MRC1: variants seen among roughly 807,000 people sequenced by gnomAD.
The protein encoded by MRC1 is mannose receptor C-type 1, also known as macrophage mannose receptor 1.
MRC1 carries 62 observed loss-of-function variants against 102.9 expected under a neutral mutation model. The ratio of observed to expected loss-of-function variants is 0.60; its 90% CI spans 0.49 to 0.74. The LOEUF is 0.74. Ranked by LOEUF, MRC1 falls within the 30% of genes least tolerant of loss-of-function variation. The pLI, the probability that MRC1 is intolerant of heterozygous loss-of-function variation, is 0.00. For missense variants in MRC1, 1,237 were observed against 862.8 expected (o/e 1.43, Z -5.43); for synonymous variants, 457 against 298.4 (o/e 1.53, Z -5.48).
chr10:17,836,869 A>C (rs929108357), intron 4 of MRC1, among the ~76,000 whole-genome samples: 4 of 152,138 alleles, frequency 2.6e-5, no homozygotes, highest in Non-Finnish European at 5.9e-5. Context: ...TTTAAAAAAA[A>C]AGGAAAGAAA....
At chr10:17,858,743 C>T (rs1433257531) in intron 9 of MRC1, among the ~76,000 whole-genome samples, 1 of 152,198 alleles carries the variant, frequency 6.6e-6, no homozygotes, top group Non-Finnish European at 1.5e-5. Flanking sequence ...GCCTTGGCCT[C>T]CCAAAGTGCT....
At chr10:17,865,213 C>T (rs1833247699) in intron 11 of MRC1, among the ~76,000 whole-genome samples, 3 of 152,276 alleles carry the variant, frequency 2.0e-5, no homozygotes, top group East Asian at 1.9e-4. Context: ...TCCTAATCTT[C>T]AGTGTTCTGT....
At chr10:17,827,859 G>A (rs1327505783) in intron 3 of MRC1, 144 bp downstream of exon 3, 16 of 662,572 alleles carry the variant, frequency 2.4e-5, no homozygotes, top group Middle Eastern at 4.2e-4. Flanking sequence ...CTTTACAGAC[G>A]TTATTATTTC....
intron 22 of MRC1, among the ~76,000 whole-genome samples, chr10:17,887,539 T>C (rs200928899): frequency 0.32 from 49,350 of 152,182 alleles, 9,230 homozygotes; most frequent in African/African-American, 0.51. Context: ...CGAGATAGCA[T>C]TAGCTTAGAT....
At chr10:17,816,127 GC>G (rs1554837875) in intron 1 of MRC1, among the ~76,000 whole-genome samples, 1 of 152,158 alleles carries the variant, frequency 6.6e-6, no homozygotes, top group African/African-American at 2.4e-5. Flanking sequence ...CCCTCCATCA[GC>G]CCCCAGCACC....
At chr10:17,880,462 T>C in intron 19 of MRC1, 63 bp from the exon 20 acceptor site, 2 of 769,986 alleles carry the variant, frequency 2.6e-6, no homozygotes, top group Non-Finnish European at 2.4e-6. Context: ...AAATATATTT[T>C]TTAAAATAAT....
intron 2 of MRC1, among the ~76,000 whole-genome samples, chr10:17,824,921 C>G (rs1838450337): frequency 6.6e-6 from 1 of 152,042 alleles, no homozygotes; most frequent in Admixed American, 6.5e-5. Flanking sequence ...TTAAGAATCA[C>G]TTGGAAAGTT....
chr10:17,833,574 G>A, intron 3 of MRC1, 101 bp from the exon 4 acceptor site: 2 of 728,596 alleles, frequency 2.7e-6, no homozygotes, highest in Non-Finnish European at 5.0e-6. Context: ...AAGAAAGAAA[G>A]TGCTTCAGGC....
chr10:17,864,497 A>G (rs2437274), intron 11 of MRC1, among the ~76,000 whole-genome samples: 94,942 of 151,864 alleles, frequency 0.63, 31,749 homozygotes, highest in East Asian at 0.83. Flanking sequence ...TTTTGTCATC[A>G]TAAAAACCTT....
intron 22 of MRC1, among the ~76,000 whole-genome samples, chr10:17,891,455 T>G (rs1833675073): frequency 1.3e-5 from 2 of 152,106 alleles, no homozygotes; most frequent in East Asian, 3.9e-4. Context: ...CGTGAGCCAT[T>G]GCGCCCGGTG....
chr10:17,896,020 G>A (rs1447060652), intron 23 of MRC1, among the ~76,000 whole-genome samples: 1 of 152,216 alleles, frequency 6.6e-6, no homozygotes, highest in African/African-American at 2.4e-5. Context: ...GTGCCTTATG[G>A]AGAGTTTCAG....
intron 22 of MRC1, among the ~76,000 whole-genome samples, chr10:17,889,941 C>T (rs1833650562): frequency 6.6e-6 from 1 of 152,054 alleles, no homozygotes; most frequent in South Asian, 2.1e-4. Flanking sequence ...TCTATATAGA[C>T]CTGAGTTTCT....
intron 20 of MRC1, 146 bp downstream of exon 20, chr10:17,880,816 A>T (rs541943417): frequency 5.3e-6 from 4 of 748,034 alleles, no homozygotes. Context: ...CAAACTCTTT[A>T]TGGAAATTGA....
intron 25 of MRC1, 122 bp downstream of exon 25, chr10:17,901,075 C>T (rs1421438810): frequency 2.9e-6 from 2 of 682,984 alleles, no homozygotes; most frequent in African/African-American, 1.8e-5. Flanking sequence ...ATAGAACATA[C>T]TCCCTCACCT....
intron 17 of MRC1, among the ~76,000 whole-genome samples, chr10:17,877,068 A>G (rs981178990): frequency 6.7e-6 from 1 of 149,478 alleles, no homozygotes. Context: ...TTGCACAACT[A>G]TATATATATA....
chr10:17,851,294 T>C (rs1230865748), intron 7 of MRC1, among the ~76,000 whole-genome samples: 3 of 152,140 alleles, frequency 2.0e-5, no homozygotes, highest in Non-Finnish European at 4.4e-5. Flanking sequence ...AAATTATTGA[T>C]AAGATTTTAT....
At chr10:17,840,917 C>A (rs1838740168) in intron 5 of MRC1, 111 bp downstream of exon 5, 13 of 765,126 alleles carry the variant, frequency 1.7e-5, no homozygotes, top group Non-Finnish European at 3.2e-5. Context: ...TGGGAGACTT[C>A]ATCAAATACA....
chr10:17,839,963 G>C (rs1040526547), intron 4 of MRC1, among the ~76,000 whole-genome samples: 54 of 151,520 alleles, frequency 3.6e-4, no homozygotes, highest in African/African-American at 1.3e-3. Flanking sequence ...CTACTCGAGA[G>C]GCTGAGGCAG....
intron 7 of MRC1, among the ~76,000 whole-genome samples, chr10:17,851,841 G>T (rs1266749226): frequency 6.6e-6 from 1 of 152,220 alleles, no homozygotes; most frequent in African/African-American, 2.4e-5. Flanking sequence ...AGGCCAGCTA[G>T]AGACTTCTCC....
Sources: gnomAD v4.1 joint callset for allele counts (sites outside exome capture counted in the v4.1 genomes callset) on GRCh38, gnomAD v4.1.1 for gene constraint, MANE v1.5 for transcripts, NCBI Gene and HGNC (gene_info 2026-07-23, HGNC 2026-07-21) for gene names.